SHQ1: variants seen among roughly 807,000 people sequenced by gnomAD.
The protein encoded by SHQ1 is SHQ1, H/ACA ribonucleoprotein assembly factor, also known as protein SHQ1 homolog.
In SHQ1, 49 loss-of-function variants were observed where a neutral mutation model predicts 53.8. The ratio of observed to expected loss-of-function variants is 0.91; its 90% CI spans 0.72 to 1.16. The LOEUF (loss-of-function observed/expected upper bound fraction) is 1.16, where lower values mean the gene tolerates loss of function less well. Ranked by LOEUF, SHQ1 falls within the 50% of genes most tolerant of loss-of-function variation. The probability of loss-of-function intolerance (pLI) is 0.00; values close to 1 mark genes in which losing one functional copy is unlikely to be tolerated. For missense variants in SHQ1, 738 were observed against 683.1 expected (o/e 1.08, Z -0.90); for synonymous variants, 243 against 251.0 (o/e 0.97, Z 0.30).
chr3:72,770,923 G>A (rs890817322), intron 10 of SHQ1, among the ~76,000 whole-genome samples: 1 of 152,182 alleles, frequency 6.6e-6, no homozygotes, highest in African/African-American at 2.4e-5. Context: ...CCGCACCTGG[G>A]AACCCTGTGC....
chr3:72,792,426 C>G (rs1007397436), intron 10 of SHQ1, among the ~76,000 whole-genome samples: 1 of 152,164 alleles, frequency 6.6e-6, no homozygotes, highest in Non-Finnish European at 1.5e-5. Flanking sequence ...GCAAATTCAC[C>G]AAGCTCCCCA....
intron 4 of SHQ1, among the ~76,000 whole-genome samples, chr3:72,839,024 C>A (rs897038359): frequency 6.6e-6 from 1 of 151,810 alleles, no homozygotes; most frequent in African/African-American, 2.4e-5. Context: ...AAAAGGCACT[C>A]ATTCTAGGCT....
At chr3:72,800,251 T>C (rs1009831431) in intron 9 of SHQ1, among the ~76,000 whole-genome samples, 2 of 152,200 alleles carry the variant, frequency 1.3e-5, no homozygotes, top group African/African-American at 4.8e-5. Context: ...TCCAGAACCA[T>C]GAGCCAATAA....
chr3:72,767,735 A>T (rs1705761145), intron 10 of SHQ1, among the ~76,000 whole-genome samples: 1 of 152,198 alleles, frequency 6.6e-6, no homozygotes. Context: ...GATTACTAAA[A>T]ATAAGAATGA....
intron 5 of SHQ1, among the ~76,000 whole-genome samples, chr3:72,828,349 G>A (rs1707725551): frequency 6.6e-6 from 1 of 152,156 alleles, no homozygotes. Flanking sequence ...AGGCAATGTG[G>A]GGTCAGGGGA....
intron 10 of SHQ1, among the ~76,000 whole-genome samples, chr3:72,758,115 A>G (rs1705535934): frequency 6.6e-6 from 1 of 152,200 alleles, no homozygotes; most frequent in Non-Finnish European, 1.5e-5. Flanking sequence ...ACTGGCTTTA[A>G]GTAGAAGTTG....
At position 72,765,554 on chromosome 3, in the gene SHQ1, TATA is replaced by T. The variant is rs375663073; in HGVS notation, c.1182-14721_1182-14719del. On this transcript the variant is annotated intron_variant, in intron 10 of 10. Coordinates refer to ENST00000325599, the MANE Select transcript of SHQ1 (RefSeq NM_018130.3). The stretch of plus-strand genomic sequence containing the variant: ...ACATATATATATATATATATATATA[TATA>T]TTTTTTTTTTTTTTTTGAGACAGTC... Among the ~76,000 whole-genome samples, 667 of 89,004 alleles carry T rather than the reference TATA, an allele frequency of 7.5e-3. 20 individuals are homozygous for T. The highest frequency in any genetic ancestry group is 0.062 in the East Asian group (233 of 3,780). 58.4% of individuals were successfully genotyped at this position (89,004 alleles called of 152,430 possible).
At chr3:72,777,276 G>A (rs1157855113) in intron 10 of SHQ1, among the ~76,000 whole-genome samples, 1 of 152,066 alleles carries the variant, frequency 6.6e-6, no homozygotes, top group Non-Finnish European at 1.5e-5. Context: ...CTATAAACTG[G>A]AAGAAAATAT....
Position 72,848,437 on chromosome 3 carries a change from G to A in SHQ1, c.-97C>T, listed in dbSNP as rs907684699. 6.5e-7 allele frequency: 1 copy of A among 1,536,848 alleles called. No homozygotes were observed. Among genetic ancestry groups the A allele is most frequent in the South Asian group, 1.2e-5 (1 of 82,866 alleles). On this transcript the variant is annotated 5_prime_UTR_variant, in exon 1 of 11. Transcript: ENST00000325599. ...AACTCCCCACGCGCAGGAACTCTCG[G>A]TGTGAGGGACGGAGCTTCCGGCTCG...
At chr3:72,729,769 A>G in the SHQ1 span, among the ~76,000 whole-genome samples, 1 of 152,200 alleles carries the variant, frequency 6.6e-6, no homozygotes, top group East Asian at 1.9e-4. Flanking sequence ...CAAAAGCAAA[A>G]TTCCACAAAT....
chr3:72,793,089 C>T, intron 9 of SHQ1, 53 bp from the exon 10 acceptor site: 1 of 1,478,168 alleles, frequency 6.8e-7, no homozygotes, highest in Admixed American at 1.9e-5. Context: ...GAAATTCAGA[C>T]CCTGAGAGGT....
intron 10 of SHQ1, among the ~76,000 whole-genome samples, chr3:72,757,551 G>A (rs140959667): frequency 4.8e-4 from 73 of 152,012 alleles, no homozygotes; most frequent in African/African-American, 1.7e-3. Context: ...CACTGAGCCC[G>A]GCTTCAACTT....
At chr3:72,742,187 G>A in the SHQ1 span, among the ~76,000 whole-genome samples, 3 of 146,432 alleles carry the variant, frequency 2.0e-5, no homozygotes, top group Non-Finnish European at 3.0e-5. Context: ...AACAGAGTGA[G>A]ACCCTATCTC....
chr3:72,817,555 T>C (rs1707355973), intron 6 of SHQ1, among the ~76,000 whole-genome samples, 171 bp from the exon 7 acceptor site: 1 of 152,252 alleles, frequency 6.6e-6, no homozygotes, highest in African/African-American at 2.4e-5. Flanking sequence ...TAGTAAGAGC[T>C]ATGAGTCTGC....
intron 10 of SHQ1, among the ~76,000 whole-genome samples, chr3:72,755,403 C>T (rs947917883): frequency 1.9e-4 from 29 of 152,132 alleles, no homozygotes; most frequent in Non-Finnish European, 2.9e-5. Flanking sequence ...CTCAAGCTGG[C>T]TAGCTTCCTA....
intron 5 of SHQ1, among the ~76,000 whole-genome samples, chr3:72,831,668 G>A (rs1707825255): frequency 6.6e-6 from 1 of 152,196 alleles, no homozygotes; most frequent in Non-Finnish European, 1.5e-5. Flanking sequence ...ATGTCCAAGA[G>A]AGGTCAAGCG....
chr3:72,838,159 C>T (rs1380816155), intron 4 of SHQ1, among the ~76,000 whole-genome samples: 2 of 152,218 alleles, frequency 1.3e-5, no homozygotes, highest in African/African-American at 2.4e-5. Context: ...TTTTTGAATA[C>T]GTACACTAAG....
chr3:72,840,904 C>T, intron 4 of SHQ1, 141 bp downstream of exon 4: 2 of 928,884 alleles, frequency 2.2e-6, no homozygotes, highest in South Asian at 1.9e-5. Context: ...CATCTATGTA[C>T]TTTAGCTGTG....
At chr3:72,815,237 G>A in intron 8 of SHQ1, 113 bp downstream of exon 8, 1 of 823,738 alleles carries the variant, frequency 1.2e-6, no homozygotes. Flanking sequence ...GTACAATAGA[G>A]CTTCTACTTT....
Sources: allele counts gnomAD v4.1 joint callset (sites outside exome capture counted in the v4.1 genomes callset), GRCh38; gene constraint gnomAD v4.1.1; transcripts MANE v1.5; gene names NCBI Gene and HGNC (gene_info 2026-07-23, HGNC 2026-07-21).